The following CCDC138 variants were observed in gnomAD, a reference collection of about 807,000 sequenced individuals.
CCDC138 encodes the protein coiled-coil domain-containing protein 138.
A neutral mutation model predicts 82.3 loss-of-function variants in CCDC138; 66 were observed. That is an observed-to-expected ratio of 0.80 (90% CI 0.66 to 0.98). The LOEUF (loss-of-function observed/expected upper bound fraction) is 0.98. Among genes scored for constraint, CCDC138 ranks in the 50% least tolerant of loss-of-function variants. The pLI, the probability that CCDC138 is intolerant of heterozygous loss-of-function variation, is 0.00. For missense variants in CCDC138, 816 were observed against 758.9 expected, an observed-to-expected ratio of 1.08 and a Z score of -0.88; for synonymous variants, 297 against 265.4, an observed-to-expected ratio of 1.12 and a Z score of -1.16.
chr2:108,873,432 C>T lies in CCDC138; in HGVS notation c.1694-19C>T. ...TTCGCTACTCCCTAATAGTAAAGCA[C>T]TGTTGATTTGTTTTGCAGAATCCTT... On this transcript the variant is annotated intron_variant, in intron 13 of 14. Coordinates refer to ENST00000295124, the MANE Select transcript of CCDC138 (RefSeq NM_144978.3). 1.9e-6 allele frequency: 3 copies of T among 1,566,804 alleles called. No homozygotes were observed. Among genetic ancestry groups the T allele is most frequent in the Non-Finnish European group, 2.6e-6 (3 of 1,160,814 alleles).
intron 4 of CCDC138, among the ~76,000 whole-genome samples, chr2:108,792,120 C>T (rs1454928492): frequency 2.6e-5 from 4 of 152,150 alleles, no homozygotes; most frequent in Non-Finnish European, 5.9e-5. Flanking sequence ...GTATGGATTT[C>T]TGGGCACTGA....
At chr2:108,806,175 C>T (rs957487654) in intron 7 of CCDC138, among the ~76,000 whole-genome samples, 1 of 152,126 alleles carries the variant, frequency 6.6e-6, no homozygotes, top group African/African-American at 2.4e-5. Context: ...TACTATTAGA[C>T]TTATGAATTT....
At chr2:108,843,236 C>T (rs1689808991) in intron 11 of CCDC138, among the ~76,000 whole-genome samples, 1 of 152,200 alleles carries the variant, frequency 6.6e-6, no homozygotes. Flanking sequence ...TGGCTCACTG[C>T]AACCTCCGTC....
chr2:108,790,439 G>A (rs1454711065), intron 3 of CCDC138, among the ~76,000 whole-genome samples: 2 of 152,184 alleles, frequency 1.3e-5, no homozygotes, highest in African/African-American at 4.8e-5. Context: ...CAGCACAGTA[G>A]CAACAGGCCA....
At position 108,873,499 on chromosome 2, in the gene CCDC138, G is replaced by A. The variant is rs768754579; in HGVS notation, c.1742G>A (p.Arg581His). ...LEACSNSLFF[R>H]TCSVLLRAPK... The stretch of plus-strand genomic sequence containing the variant: ...GCCTGTAGCAACTCTTTATTTTTTC[G>A]TACTTGCTCTGTGCTGCTTCGAGCC... Residue 581 changes from arginine (R) to histidine (H), a missense_variant, in exon 14 of 15, where the codon CGT becomes CAT. Coordinates refer to ENST00000295124, the MANE Select transcript of CCDC138 (RefSeq NM_144978.3). 17 of 1,604,252 alleles carry A rather than the reference G, an allele frequency of 1.1e-5. No individual in the cohort carries two copies. The highest frequency in any genetic ancestry group is 7.9e-5 in the South Asian group (7 of 88,716).
At chr2:108,877,959 T>A (rs1461964308), downstream of CCDC138, among the ~76,000 whole-genome samples, 1 of 152,192 alleles carries the variant, frequency 6.6e-6, no homozygotes, top group East Asian at 1.9e-4. Flanking sequence ...GGAGAAGATT[T>A]TTAATCCAAG....
At position 108,805,009 on chromosome 2, in the gene CCDC138, G is replaced by T; in HGVS notation, c.855+1G>T. The T allele has an allele frequency of 6.7e-7, 1 of 1,502,170 alleles. No individual in the cohort carries two copies. The highest frequency in any genetic ancestry group is 8.9e-7 in the Non-Finnish European group (1 of 1,121,900). 93.1% of individuals were successfully genotyped at this position (1,502,170 alleles called of 1,614,324 possible). On this transcript the variant is annotated splice_donor_variant, in intron 7 of 14. Coordinates refer to ENST00000295124, the MANE Select transcript of CCDC138 (RefSeq NM_144978.3). LOFTEE classifies it high-confidence loss of function. ...ATTGAATGATACCTTAAAAAAACAG[G>T]TAAGACCTGTTTTAATATATACTGA...
At chr2:108,843,426 G>A (rs1689857526) in intron 11 of CCDC138, among the ~76,000 whole-genome samples, 1 of 152,200 alleles carries the variant, frequency 6.6e-6, no homozygotes, top group South Asian at 2.1e-4. Flanking sequence ...CCAAAGTGCT[G>A]GGATTACAGG....
chr2:108,824,170 AT>A (rs34458775), intron 10 of CCDC138, among the ~76,000 whole-genome samples: 121,004 of 151,780 alleles, frequency 0.8, 48,547 homozygotes, highest in East Asian at 0.95. Context: ...AGAAAAAAAA[AT>A]TTTTTCTTCA....
At chr2:108,818,054 C>T (rs1280696096) in intron 10 of CCDC138, among the ~76,000 whole-genome samples, 2 of 152,078 alleles carry the variant, frequency 1.3e-5, no homozygotes, top group Non-Finnish European at 2.9e-5. Flanking sequence ...ACCTGTAATC[C>T]TTGCACTTCG....
chr2:108,880,890 C>T (rs76060310), downstream of CCDC138, among the ~76,000 whole-genome samples: 31 of 152,320 alleles, frequency 2.0e-4, no homozygotes, highest in Non-Finnish European at 3.2e-4. Flanking sequence ...TGAACCAAAA[C>T]GTAATTTCAA....
chr2:108,836,543 T>C (rs1385499086), intron 10 of CCDC138, among the ~76,000 whole-genome samples: 2 of 152,234 alleles, frequency 1.3e-5, no homozygotes, highest in African/African-American at 4.8e-5. Flanking sequence ...CTAGATCATT[T>C]GATAGTTCTA....
chr2:108,860,596 T>TTTTACATTTACATTTACTTTTACA (rs1693403962), intron 13 of CCDC138, among the ~76,000 whole-genome samples: 1 of 152,002 alleles, frequency 6.6e-6, no homozygotes, highest in African/African-American at 2.4e-5. Flanking sequence ...TTAATTCTCT[T>TTTTACATTTACATTTACTTTTACA]TTTACATTTA....
At chr2:108,857,764 ATTAC>A (rs1439304094) in intron 13 of CCDC138, among the ~76,000 whole-genome samples, 1 of 152,206 alleles carries the variant, frequency 6.6e-6, no homozygotes, top group East Asian at 1.9e-4. Context: ...GGGATCCAGT[ATTAC>A]TTAAGTGCCT....
At chr2:108,849,127 G>T (rs1393596840) in intron 12 of CCDC138, among the ~76,000 whole-genome samples, 1 of 152,012 alleles carries the variant, frequency 6.6e-6, no homozygotes. Context: ...GCAGACAAAC[G>T]ACTAGTGAAC....
chr2:108,820,220 C>A (rs1685442564), intron 10 of CCDC138, among the ~76,000 whole-genome samples: 1 of 152,074 alleles, frequency 6.6e-6, no homozygotes, highest in Admixed American at 6.6e-5. Flanking sequence ...CCAGCCTGGT[C>A]AACATGGTGC....
intron 10 of CCDC138, among the ~76,000 whole-genome samples, chr2:108,829,335 T>A (rs1382278227): frequency 6.6e-6 from 1 of 152,152 alleles, no homozygotes; most frequent in Non-Finnish European, 1.5e-5. Context: ...AGAACCTAAA[T>A]AGCTATTTCT....
chr2:108,846,977 A>G (rs1558724534), intron 12 of CCDC138, 47 bp downstream of exon 12: 1 of 1,019,508 alleles, frequency 9.8e-7, no homozygotes, highest in East Asian at 2.4e-5. Context: ...AACAATAGAG[A>G]ATATCATATA....
At chr2:108,794,330 G>T (rs1240158759) in intron 4 of CCDC138, among the ~76,000 whole-genome samples, 1 of 151,798 alleles carries the variant, frequency 6.6e-6, no homozygotes, top group Non-Finnish European at 1.5e-5. Context: ...CAGAAAAGTT[G>T]CAAAGATAGT....
Sources: allele counts gnomAD v4.1 joint callset (sites outside exome capture counted in the v4.1 genomes callset), GRCh38; gene constraint gnomAD v4.1.1; transcripts MANE v1.5; gene names NCBI Gene and HGNC (gene_info 2026-07-23, HGNC 2026-07-21).